The following CDH12 variants were observed in gnomAD, a reference collection of about 807,000 sequenced individuals.
CDH12 encodes cadherin-12.
CDH12 carries 41 observed loss-of-function variants against 74.1 expected under a neutral mutation model. The ratio of observed to expected loss-of-function variants is 0.55; its 90% CI spans 0.43 to 0.72. CDH12 has a LOEUF of 0.72. Among genes scored for constraint, CDH12 ranks in the 30% least tolerant of loss-of-function variants. CDH12 has a pLI of 0.00. For synonymous variants in CDH12, 399 were observed against 355.0 expected (o/e 1.12, Z -1.39); for missense variants, 945 against 977.2 (o/e 0.97, Z 0.44).
intron 1 of CDH12, among the ~76,000 whole-genome samples, chr5:22,555,571 T>C (rs1474804802): frequency 6.6e-6 from 1 of 151,936 alleles, no homozygotes; most frequent in African/African-American, 2.4e-5. Flanking sequence ...TTTAGAATCA[T>C]GGATTTTAAA....
chr5:22,616,038 A>T (rs1351742825), intron 1 of CDH12, among the ~76,000 whole-genome samples: 1 of 152,112 alleles, frequency 6.6e-6, no homozygotes, highest in Non-Finnish European at 1.5e-5. Flanking sequence ...TCCTGGCAAC[A>T]TTAGGATAGG....
intron 1 of CDH12, among the ~76,000 whole-genome samples, chr5:22,734,887 C>T (rs1744607211): frequency 6.6e-6 from 1 of 151,850 alleles, no homozygotes; most frequent in Admixed American, 6.6e-5. Context: ...GTAAATTTAT[C>T]AATAAGACAA....
chr5:22,002,972 A>G (rs529016337), intron 5 of CDH12, among the ~76,000 whole-genome samples: 1 of 152,216 alleles, frequency 6.6e-6, no homozygotes, highest in Admixed American at 6.5e-5. Flanking sequence ...TTGTGCTTTC[A>G]AAAATGATAT....
intron 11 of CDH12, among the ~76,000 whole-genome samples, chr5:21,777,274 C>G (rs1745642434): frequency 6.6e-6 from 1 of 152,078 alleles, no homozygotes; most frequent in Non-Finnish European, 1.5e-5. Context: ...ATCTACCTAA[C>G]TATACCACTG....
At position 21,838,597 on chromosome 5, in the gene CDH12, C is replaced by A. The variant is rs376610547; in HGVS notation, c.814+3564G>T. On this transcript the variant is annotated intron_variant, in intron 8 of 14. Coordinates refer to ENST00000382254, the MANE Select transcript of CDH12 (RefSeq NM_004061.5). ...ACAAAACAAAAAAAAGTTCCAATGCCCTTATCCTCTACATTTTTTGCAAGT... is the reference window on the plus strand; with the variant it reads ...ACAAAACAAAAAAAAGTTCCAATGCACTTATCCTCTACATTTTTTGCAAGT... 2.4e-4 allele frequency among the ~76,000 whole-genome samples: 36 copies of A among 152,034 alleles called. 1 individual carries two copies. In the East Asian group the frequency reaches 3.5e-3, roughly 15 times the overall value.
chr5:22,710,060 C>T (rs750160971), intron 1 of CDH12, among the ~76,000 whole-genome samples: 2 of 152,122 alleles, frequency 1.3e-5, no homozygotes, highest in African/African-American at 4.8e-5. Flanking sequence ...AAACAAAATC[C>T]TTGCTTTATT....
rs753706577 is a variant in CDH12, at chr5:22,078,462, G to A, written c.215C>T (p.Pro72Leu). ...CGCCATTACCTTTCCCACATACTGA[G>A]GCTCGGAGCCCACGTATTCTTCCAG... ...FVLEEYVGSE[P>L]QYVGKLHSDL... Residue 72 changes from proline (P) to leucine (L), a missense_variant, in exon 5 of 15, where the codon CCT becomes CTT. By Grantham distance (98) the Pro-to-Leu change is moderately conservative (BLOSUM62 -3). This residue lies in a region of CDH12 where 148 missense variants were observed against 162.8 expected (regional missense o/e 0.91). Coordinates refer to ENST00000382254, the MANE Select transcript of CDH12 (RefSeq NM_004061.5). 7 of 1,613,518 alleles carry A rather than the reference G, an allele frequency of 4.3e-6. No individual in the cohort carries two copies. The highest frequency in any genetic ancestry group is 2.7e-5 in the African/African-American group (2 of 74,858).
At chr5:22,786,869 C>T (rs530279912) in intron 1 of CDH12, among the ~76,000 whole-genome samples, 2 of 152,038 alleles carry the variant, frequency 1.3e-5, no homozygotes, top group Non-Finnish European at 2.9e-5. Context: ...CAGATGCATG[C>T]CACCACATCT....
At chr5:22,673,597 T>C (rs2126917750) in intron 1 of CDH12, among the ~76,000 whole-genome samples, 1 of 152,258 alleles carries the variant, frequency 6.6e-6, no homozygotes, top group South Asian at 2.1e-4. Context: ...TGCTTATTTC[T>C]AATGATAAGG....
chr5:21,918,813 G>A (rs1326617488), intron 6 of CDH12, among the ~76,000 whole-genome samples: 1 of 152,032 alleles, frequency 6.6e-6, no homozygotes, highest in Non-Finnish European at 1.5e-5. Context: ...CCATCATATT[G>A]TCATATATCT....
At chr5:22,156,162 T>C (rs1294878472) in intron 4 of CDH12, among the ~76,000 whole-genome samples, 1 of 152,186 alleles carries the variant, frequency 6.6e-6, no homozygotes, top group Non-Finnish European at 1.5e-5. Flanking sequence ...GGCCTAGGAA[T>C]TGTGCATGAG....
intron 4 of CDH12, among the ~76,000 whole-genome samples, chr5:22,174,734 G>T (rs193240237): frequency 9.4e-4 from 143 of 152,068 alleles, no homozygotes; most frequent in Non-Finnish European, 1.6e-3. Flanking sequence ...TATTAATGTG[G>T]ATTTCTAATT....
At chr5:22,095,296 C>T (rs1423161028) in intron 4 of CDH12, among the ~76,000 whole-genome samples, 2 of 152,158 alleles carry the variant, frequency 1.3e-5, no homozygotes, top group African/African-American at 4.8e-5. Context: ...CCTTCAATCT[C>T]TCCCTTCTCT....
At chr5:22,184,486 G>A (rs771909439) in intron 4 of CDH12, among the ~76,000 whole-genome samples, 2 of 152,210 alleles carry the variant, frequency 1.3e-5, no homozygotes, top group African/African-American at 4.8e-5. Flanking sequence ...CAACTATAGC[G>A]AGATCTGTCC....
intron 3 of CDH12, among the ~76,000 whole-genome samples, chr5:22,279,041 T>C (rs981051677): frequency 3.9e-5 from 6 of 152,044 alleles, no homozygotes; most frequent in African/African-American, 1.5e-4. Flanking sequence ...CATATATAAA[T>C]GTAACATATA....
At position 21,751,710 on chromosome 5, in the gene CDH12, G is replaced by C. The variant is rs1243201696; in HGVS notation, c.*27C>G. On this transcript the variant is annotated 3_prime_UTR_variant, in exon 15 of 15. Coordinates refer to ENST00000382254, the MANE Select transcript of CDH12 (RefSeq NM_004061.5). ...TTCTTTTTTAAAAATCTCCCCTCTC[G>C]GTTGTATTTTAGCCTCCACGACTCC... The C allele has an allele frequency of 2.6e-6, 4 of 1,562,270 alleles. No homozygotes were observed. The highest frequency in any genetic ancestry group is 1.4e-5 in the African/African-American group (1 of 72,042).
chr5:22,561,778 A>C (rs1266708171), intron 1 of CDH12, among the ~76,000 whole-genome samples: 1 of 152,206 alleles, frequency 6.6e-6, no homozygotes, highest in Non-Finnish European at 1.5e-5. Context: ...TCAAGTTAGC[A>C]GTCTGTCAAG....
At chr5:22,474,323 G>A (rs564936980) in intron 2 of CDH12, among the ~76,000 whole-genome samples, 1 of 152,148 alleles carries the variant, frequency 6.6e-6, no homozygotes, top group Non-Finnish European at 1.5e-5. Context: ...CACATGGACT[G>A]ATGGAGGAAG....
intron 5 of CDH12, among the ~76,000 whole-genome samples, chr5:22,039,730 T>A (rs149347121): frequency 1.3e-5 from 2 of 152,138 alleles, no homozygotes; most frequent in Non-Finnish European, 2.9e-5. Context: ...TGGTCACAAC[T>A]AAAGAAGCTG....
Sources: allele counts gnomAD v4.1 joint callset (sites outside exome capture counted in the v4.1 genomes callset), GRCh38; gene constraint gnomAD v4.1.1; regional missense constraint gnomAD v4.1.1; transcripts MANE v1.5; gene names NCBI Gene and HGNC (gene_info 2026-07-23, HGNC 2026-07-21).